Variants in RALGPS1 observed in about 807,000 individuals in gnomAD.
RALGPS1 encodes the protein Ral GEF with PH domain and SH3 binding motif 1, also known as ras-specific guanine nucleotide-releasing factor RalGPS1.
Under a neutral mutation model 78.8 loss-of-function variants are expected in RALGPS1, and 19 were observed. That is an observed-to-expected ratio of 0.24 (90% confidence interval 0.17 to 0.35). The LOEUF is 0.35. Among genes scored for constraint, RALGPS1 ranks in the 10% least tolerant of loss-of-function variants. The pLI, the probability that RALGPS1 is intolerant of heterozygous loss-of-function variation, is 1.00. For missense variants in RALGPS1, 454 were observed against 688.3 expected (o/e 0.66, Z 3.81); for synonymous variants, 228 against 256.3 (o/e 0.89, Z 1.06).
chr9:126,966,842 T>C lies in RALGPS1; in HGVS notation c.165+891T>C, dbSNP rs118029721. On this transcript the variant is annotated intron_variant, in intron 3 of 18. Transcript: ENST00000259351. ...GTTGCTCCCGGTCTAACTAAGGGAC[T>C]GTCCCTTGTGGTGGAGCAGTGTTAG... Among the ~76,000 whole-genome samples the C allele has an allele frequency of 1.1e-3, 164 of 152,324 alleles. 1 individual carries two copies. Among genetic ancestry groups the C allele is most frequent in the East Asian group, 4.8e-3 (25 of 5,188 alleles).
chr9:127,143,993 G>T (rs1474294967), intron 8 of RALGPS1, among the ~76,000 whole-genome samples: 1 of 152,212 alleles, frequency 6.6e-6, no homozygotes, highest in Non-Finnish European at 1.5e-5. Context: ...CTGTGGGAGG[G>T]GGGCAGCCTG....
At chr9:127,165,737 A>G (rs2059261427) in intron 8 of RALGPS1, among the ~76,000 whole-genome samples, 1 of 152,252 alleles carries the variant, frequency 6.6e-6, no homozygotes, top group South Asian at 2.1e-4. Context: ...AAACTTCAGC[A>G]GTTGGTAAGA....
intron 7 of RALGPS1, 93 bp from the exon 8 acceptor site, chr9:127,069,137 C>G (rs2049965228): frequency 4.7e-6 from 6 of 1,270,122 alleles, no homozygotes; most frequent in Non-Finnish European, 6.6e-6. Flanking sequence ...AGATATGTCA[C>G]TTAGGATTTT....
chr9:126,978,077 G>A, intron 4 of RALGPS1: 1 of 207,686 alleles, frequency 4.8e-6, no homozygotes, highest in South Asian at 1.8e-4. Context: ...GTGATGTGAG[G>A]GAACATTTTT....
At position 127,199,025 on chromosome 9, in the gene RALGPS1, G is replaced by C; in HGVS notation, c.1206G>C (p.Glu402Asp). 6.2e-7 allele frequency: 1 copy of C among 1,614,152 alleles called. No individual in the cohort carries two copies. Among genetic ancestry groups the C allele is most frequent in the Non-Finnish European group, 8.5e-7 (1 of 1,179,970 alleles). The change falls in exon 14 of 19, where the codon GAG becomes GAC. Residue 402 changes from glutamate to aspartate, a missense_variant. By Grantham distance (45) the Glu-to-Asp change is conservative. Transcript: ENST00000259351. ...GTGTTCCTTTTCCAGGCAGTAGTGA[G>C]AGCTCAGAGTTTAGTGAAGAGATGT... The part of the protein sequence containing the change: ...VTNGLSLGSS[E>D]SSEFSEEMSS...
chr9:126,935,856 C>T (rs1202624464), intron 1 of RALGPS1, among the ~76,000 whole-genome samples: 2 of 152,216 alleles, frequency 1.3e-5, no homozygotes, highest in East Asian at 3.8e-4. Context: ...AGAAGTGGAG[C>T]TCTCTCCACT....
intron 3 of RALGPS1, among the ~76,000 whole-genome samples, chr9:126,975,388 A>G (rs1384122216): frequency 2.0e-5 from 3 of 152,188 alleles, no homozygotes; most frequent in Non-Finnish European, 2.9e-5. Context: ...CAAACCCTAG[A>G]ACTGGTGGCA....
intron 1 of RALGPS1, among the ~76,000 whole-genome samples, chr9:126,955,756 G>A (rs989788928): frequency 6.6e-6 from 1 of 152,238 alleles, no homozygotes; most frequent in Non-Finnish European, 1.5e-5. Flanking sequence ...CTGTTGGTTA[G>A]GACAGTGTCT....
intron 11 of RALGPS1, chr9:127,178,517 A>T: frequency 2.0e-6 from 2 of 985,380 alleles, no homozygotes; most frequent in Non-Finnish European, 2.4e-6. Context: ...CATAATTGTC[A>T]TATTGTGATT....
At chr9:127,178,862 C>G (rs1761243897) in intron 11 of RALGPS1, among the ~76,000 whole-genome samples, 1 of 152,244 alleles carries the variant, frequency 6.6e-6, no homozygotes, top group African/African-American at 2.4e-5. Context: ...CCTCATGCTC[C>G]TCCGTGGCAC....
At chr9:127,197,954 G>C (rs974944411) in intron 13 of RALGPS1, among the ~76,000 whole-genome samples, 1 of 152,168 alleles carries the variant, frequency 6.6e-6, no homozygotes, top group African/African-American at 2.4e-5. Context: ...GGGAAATGCC[G>C]GCCCAACAGC....
chr9:126,927,746 C>T (rs776068566), intron 1 of RALGPS1, among the ~76,000 whole-genome samples: 4 of 152,130 alleles, frequency 2.6e-5, no homozygotes, highest in Non-Finnish European at 4.4e-5. Context: ...AAAGTTGCGC[C>T]CTCCCCCATC....
chr9:126,941,976 T>C (rs2036835262), intron 1 of RALGPS1, among the ~76,000 whole-genome samples: 2 of 152,194 alleles, frequency 1.3e-5, no homozygotes, highest in African/African-American at 4.8e-5. Context: ...TTACAAAAAA[T>C]AGCTCATATT....
chr9:127,031,838 CCA>C (rs2046455273), intron 4 of RALGPS1, among the ~76,000 whole-genome samples: 1 of 152,188 alleles, frequency 6.6e-6, no homozygotes, highest in Non-Finnish European at 1.5e-5. Flanking sequence ...CCCAATAACT[CCA>C]CATAGAGTTT....
chr9:127,008,591 A>C (rs903554471), intron 4 of RALGPS1, among the ~76,000 whole-genome samples: 1 of 152,146 alleles, frequency 6.6e-6, no homozygotes, highest in African/African-American at 2.4e-5. Flanking sequence ...GGAAGGGAGG[A>C]GTCAGAAAGG....
chr9:127,216,161 G>C (rs1464789894), intron 18 of RALGPS1: 1 of 152,206 alleles, frequency 6.6e-6, no homozygotes, highest in Non-Finnish European at 1.5e-5. Flanking sequence ...AGGTCCTAGG[G>C]CTCTGTGCTC....
intron 8 of RALGPS1, among the ~76,000 whole-genome samples, chr9:127,136,928 A>G (rs1354010683): frequency 6.6e-6 from 1 of 152,116 alleles, no homozygotes; most frequent in Non-Finnish European, 1.5e-5. Flanking sequence ...GGGACTCAAG[A>G]CATGGGAACC....
chr9:127,127,060 T>G (rs2138034303), intron 8 of RALGPS1, among the ~76,000 whole-genome samples: 1 of 152,322 alleles, frequency 6.6e-6, no homozygotes, highest in Non-Finnish European at 1.5e-5. Flanking sequence ...TTGTATACAG[T>G]TTAGGAGTTA....
chr9:127,175,484 T>A (rs1248632648), intron 11 of RALGPS1, among the ~76,000 whole-genome samples: 1 of 152,180 alleles, frequency 6.6e-6, no homozygotes, highest in Non-Finnish European at 1.5e-5. Flanking sequence ...TAATGGTTAC[T>A]TTTTACTCAT....
Sources: gnomAD v4.1 joint callset for allele counts (sites outside exome capture counted in the v4.1 genomes callset) on GRCh38, gnomAD v4.1.1 for gene constraint, MANE v1.5 for transcripts, NCBI Gene and HGNC (gene_info 2026-07-23, HGNC 2026-07-21) for gene names.